The following RALGAPB variants were observed in gnomAD, a reference collection of about 807,000 sequenced individuals.
RALGAPB encodes ral GTPase-activating protein subunit beta.
Under a neutral mutation model 161.1 loss-of-function variants are expected in RALGAPB, and 25 were observed. The ratio of observed to expected loss-of-function variants is 0.16; its 90% CI spans 0.11 to 0.22. RALGAPB has a LOEUF of 0.22. Among genes scored for constraint, RALGAPB ranks in the 10% least tolerant of loss-of-function variants. The pLI is 1.00. For synonymous variants in RALGAPB, 629 were observed against 626.1 expected, an observed-to-expected ratio of 1.00 and a Z score of -0.07; for missense variants, 1,391 against 1,815.2, an observed-to-expected ratio of 0.77 and a Z score of 4.25.
chr20:38,513,155 C>G (rs2086017271), intron 6 of RALGAPB, among the ~76,000 whole-genome samples: 1 of 151,698 alleles, frequency 6.6e-6, no homozygotes, highest in Non-Finnish European at 1.5e-5. Context: ...ATCACCCAAG[C>G]TTAGGAGTTC....
In RALGAPB at chr20:38,553,924, A is replaced by G. The variant is rs1348036830; in HGVS notation, c.3220A>G (p.Ile1074Val). The change falls in exon 22 of 30, where the codon ATA (isoleucine) becomes GTA (valine). Residue 1074 changes from isoleucine (I) to valine (V), a missense_variant. This residue lies in a region of RALGAPB where 436 missense variants were observed against 527.0 expected (regional missense o/e 0.83). Coordinates refer to ENST00000262879, the MANE Select transcript of RALGAPB (RefSeq NM_020336.4). The stretch of plus-strand genomic sequence containing the variant: ...CATGGCCCAGCAGATTGCTTATGAA[A>G]TACACCTTGAGCAACAGAGTGAGGA... ...SGMAQQIAYE[I>V]HLEQQSEEEL... 6.2e-7 allele frequency: 1 copy of G among 1,613,822 alleles called. No individual in the cohort carries two copies. Among genetic ancestry groups the G allele is most frequent in the Non-Finnish European group, 8.5e-7 (1 of 1,179,804 alleles).
chr20:38,561,333 GAAA>G, intron 23 of RALGAPB, among the ~76,000 whole-genome samples: 1 of 152,020 alleles, frequency 6.6e-6, no homozygotes, highest in East Asian at 1.9e-4. Flanking sequence ...CAAAAGAAAA[GAAA>G]AAATAGTCTG....
chr20:38,534,294 A>AT (rs2086741267), intron 15 of RALGAPB: 1 of 152,614 alleles, frequency 6.6e-6, no homozygotes. Context: ...AATATTTTTT[A>AT]CTAAGAAATC....
intron 26 of RALGAPB, chr20:38,568,371 AG>A (rs1183463837): frequency 6.6e-6 from 1 of 152,242 alleles, no homozygotes. Flanking sequence ...AACTATGAAT[AG>A]AACTTTCTCA....
intron 16 of RALGAPB, among the ~76,000 whole-genome samples, chr20:38,537,220 G>A (rs867078459): frequency 3.9e-5 from 6 of 152,136 alleles, no homozygotes; most frequent in Non-Finnish European, 7.4e-5. Flanking sequence ...TGACAAAGGT[G>A]CAAAGGTAAT....
At chr20:38,572,528 T>G (rs1417792034) in intron 28 of RALGAPB, among the ~76,000 whole-genome samples, 2 of 152,228 alleles carry the variant, frequency 1.3e-5, no homozygotes, top group African/African-American at 4.8e-5. Context: ...TGAAACTTGA[T>G]ATTTTAAGTT....
intron 23 of RALGAPB, among the ~76,000 whole-genome samples, chr20:38,559,653 C>CA (rs1359739100): frequency 6.6e-6 from 1 of 152,190 alleles, no homozygotes; most frequent in Non-Finnish European, 1.5e-5. Context: ...AAGATTGCAC[C>CA]ATTGCACTCC....
At position 38,576,450 on chromosome 20, in the gene RALGAPB, A is replaced by G. The variant is rs1379081355; in HGVS notation, c.*1483A>G. The G allele has an allele frequency of 6.6e-6, 1 of 152,410 alleles. No individual in the cohort carries two copies. The allele number at this position is 152,410 out of a possible 1,614,324, so 9.4% of individuals were successfully genotyped here. A position where few individuals can be genotyped will look rare whatever the true frequency, so the allele number is the denominator to read the frequency against. ...AATGTCTCTTATTCCAGAAATGTGC[A>G]TTTTGTCATCTATAAGCAAGAAATA... On this transcript the variant is annotated 3_prime_UTR_variant, in exon 30 of 30. Coordinates refer to ENST00000262879, the MANE Select transcript of RALGAPB (RefSeq NM_020336.4).
chr20:38,566,524 G>A (rs2088005669), intron 25 of RALGAPB, among the ~76,000 whole-genome samples: 1 of 152,198 alleles, frequency 6.6e-6, no homozygotes, highest in Middle Eastern at 3.4e-3. Flanking sequence ...TATGCCAACT[G>A]TGCCCACTCC....
At chr20:38,489,505 G>T (rs1473231439) in intron 2 of RALGAPB, among the ~76,000 whole-genome samples, 2 of 152,208 alleles carry the variant, frequency 1.3e-5, no homozygotes, top group Admixed American at 1.3e-4. Flanking sequence ...TTGCCATTGG[G>T]AAGTCATGAA....
At chr20:38,541,006 T>G (rs1415695410) in intron 17 of RALGAPB, 35 bp from the exon 18 acceptor site, 1 of 1,604,522 alleles carries the variant, frequency 6.2e-7, no homozygotes, top group African/African-American at 1.3e-5. Flanking sequence ...GAGAAAGGTG[T>G]GTTCTAAAAA....
intron 1 of RALGAPB, among the ~76,000 whole-genome samples, 181 bp downstream of exon 1, chr20:38,473,250 C>G (rs1264566208): frequency 6.6e-6 from 1 of 152,174 alleles, no homozygotes; most frequent in Non-Finnish European, 1.5e-5. Flanking sequence ...AAGCTTGGCC[C>G]TGGAGTGGGC....
intron 6 of RALGAPB, among the ~76,000 whole-genome samples, chr20:38,511,965 C>T (rs1015369947): frequency 2.6e-5 from 4 of 152,116 alleles, no homozygotes; most frequent in Admixed American, 6.5e-5. Context: ...GGCTGCCCCC[C>T]ACCTCCCGGA....
intron 4 of RALGAPB, 75 bp downstream of exon 4, chr20:38,497,591 G>A: frequency 7.0e-7 from 1 of 1,437,120 alleles, no homozygotes; most frequent in Non-Finnish European, 9.4e-7. Flanking sequence ...GTGAGCGGTA[G>A]ACTCATTGGG....
rs182637755 is a variant in RALGAPB, at chr20:38,554,143, A to G, written c.3372+67A>G. On this transcript the variant is annotated intron_variant, in intron 22 of 29. Transcript: ENST00000262879. ...TAACATTCAGCTGACAATAGCTAAA[A>G]TATTTTTATCAGGATAGAAGCGAAT... is the stretch of plus-strand genomic sequence containing the variant. 6.5e-6 allele frequency: 9 copies of G among 1,376,118 alleles called. No individual in the cohort carries two copies. In the Admixed American group the frequency reaches 1.5e-4, roughly 24 times the overall value. 85.2% of individuals were successfully genotyped at this position (1,376,118 alleles called of 1,614,324 possible). A position where few individuals can be genotyped will look rare whatever the true frequency, so the allele number is the denominator to read the frequency against.
At chr20:38,559,908 C>T (rs1406455310) in intron 23 of RALGAPB, among the ~76,000 whole-genome samples, 1 of 152,118 alleles carries the variant, frequency 6.6e-6, no homozygotes, top group Non-Finnish European at 1.5e-5. Flanking sequence ...CGAAGGAAGA[C>T]TTGTAAAATG....
chr20:38,530,628 G>A lies in RALGAPB; in HGVS notation c.2051-539G>A, dbSNP rs561077317. The stretch of plus-strand genomic sequence containing the variant: ...TTTTTTTTTTTTGAGATGAAGTCTC[G>A]CTCTGTTGTCCAGGCTGGAGAGCAG... On this transcript the variant is annotated intron_variant, in intron 13 of 29. Transcript: ENST00000262879. Among the ~76,000 whole-genome samples the A allele has an allele frequency of 3.4e-5, 5 of 146,140 alleles. No homozygotes were observed. In the South Asian group the frequency reaches 8.7e-4, roughly 25 times the overall value.
rs1435673692 is a variant in RALGAPB at position 38,546,396 on chromosome 20, G to A, written c.2868G>A (p.Leu956=). 6.2e-7 allele frequency: 1 copy of A among 1,613,880 alleles called. No homozygotes were observed. Among genetic ancestry groups the A allele is most frequent in the Non-Finnish European group, 8.5e-7 (1 of 1,179,956 alleles). ...RYFVLDNSVI[L]AMLEQPLGNE... ...TTGTCTTGGATAACAGTGTCATCCTGGCAATGCTGGAACAACCTCTTGGAA... is the reference window on the plus strand; with the variant it reads ...TTGTCTTGGATAACAGTGTCATCCTAGCAATGCTGGAACAACCTCTTGGAA... Residue 956 remains leucine (L), a synonymous_variant, in exon 19 of 30, where the codon CTG becomes CTA. Transcript: ENST00000262879.
chr20:38,565,507 T>C (rs750770970), intron 25 of RALGAPB, 29 bp downstream of exon 25: 28 of 1,608,868 alleles, frequency 1.7e-5, no homozygotes, highest in Non-Finnish European at 2.3e-5. Flanking sequence ...GGTCCTGTTT[T>C]AGGATCTATT....
Sources: allele counts gnomAD v4.1 joint callset (sites outside exome capture counted in the v4.1 genomes callset), GRCh38; gene constraint gnomAD v4.1.1; regional missense constraint gnomAD v4.1.1; transcripts MANE v1.5; gene names NCBI Gene and HGNC (gene_info 2026-07-23, HGNC 2026-07-21).